Variants in KIF20B observed in about 807,000 individuals in gnomAD.
The protein encoded by KIF20B is kinesin family member 20B.
A neutral mutation model predicts 232.5 loss-of-function variants in KIF20B; 188 were observed. The ratio of observed to expected loss-of-function variants is 0.81; its 90% CI spans 0.72 to 0.91. KIF20B has a LOEUF of 0.91. Among genes scored for constraint, KIF20B ranks in the 40% least tolerant of loss-of-function variants. The pLI is 0.00. For missense variants in KIF20B, 2,154 were observed against 2,055.9 expected (o/e 1.05, Z -0.92); for synonymous variants, 712 against 683.0 (o/e 1.04, Z -0.66).
chr10:89,748,624 A>T (rs1841965127), intron 23 of KIF20B, among the ~76,000 whole-genome samples: 1 of 152,100 alleles, frequency 6.6e-6, no homozygotes, highest in Non-Finnish European at 1.5e-5. Flanking sequence ...TGCCTTTCTT[A>T]GGCCTTGTCA....
rs202222624 is a variant in KIF20B, at chr10:89,714,908, C to T, written c.713-47C>T. ...TTTGTACTTTTGTCACGTTTTTAGT[C>T]AGTTGCTTACTTTCGTGATTGTTTT... On this transcript the variant is annotated intron_variant, in intron 7 of 32. Coordinates refer to ENST00000371728, the MANE Select transcript of KIF20B (RefSeq NM_001284259.2). 10 of 1,110,888 alleles carry T rather than the reference C, an allele frequency of 9.0e-6. 1 individual carries two copies. Among genetic ancestry groups the T allele is most frequent in the East Asian group, 7.2e-5 (3 of 41,688 alleles). 68.8% of individuals were successfully genotyped at this position (1,110,888 alleles called of 1,614,324 possible).
chr10:89,730,273 T>G (rs1843288637), intron 18 of KIF20B, among the ~76,000 whole-genome samples: 1 of 152,134 alleles, frequency 6.6e-6, no homozygotes, highest in African/African-American at 2.4e-5. Flanking sequence ...ATAAACTATT[T>G]AGTAATAATT....
intron 13 of KIF20B, 121 bp downstream of exon 13, chr10:89,719,827 T>G: frequency 1.3e-6 from 1 of 756,644 alleles, no homozygotes; most frequent in Non-Finnish European, 2.1e-6. Flanking sequence ...TGTTCAACTT[T>G]ATATTTTGAA....
At position 89,737,923 on chromosome 10, in the gene KIF20B, CT is replaced by C; in HGVS notation, c.3086del (p.Leu1029Ter). 6.2e-7 allele frequency: 1 copy of C among 1,613,246 alleles called. No individual in the cohort carries two copies. Among genetic ancestry groups the C allele is most frequent in the South Asian group, 1.1e-5 (1 of 90,934 alleles). On this transcript the variant is annotated frameshift_variant, in exon 20 of 33. Coordinates refer to ENST00000371728, the MANE Select transcript of KIF20B (RefSeq NM_001284259.2). LOFTEE classifies it high-confidence loss of function. ...TAATTTGCCAAATACACAGTTAGAC[CT>C]TTTAGGTAATGATTATTTGGTAAGT... ...EDNLPNTQLD[L>X]LGNDYLVSKQ...
chr10:89,744,805 A>G (rs1841877159), intron 22 of KIF20B, among the ~76,000 whole-genome samples: 1 of 152,186 alleles, frequency 6.6e-6, no homozygotes, highest in Non-Finnish European at 1.5e-5. Context: ...TCTTAAGGTA[A>G]TCATAATAAA....
At chr10:89,715,424 A>C (rs1242128962) in intron 8 of KIF20B, among the ~76,000 whole-genome samples, 1 of 149,906 alleles carries the variant, frequency 6.7e-6, no homozygotes, top group African/African-American at 2.5e-5. Context: ...TGGTGATGGG[A>C]AAAGCTGTGT....
At position 89,712,243 on chromosome 10, in the gene KIF20B, C is replaced by CT. The variant is rs200863400; in HGVS notation, c.675+1106dup. 5.1e-3 allele frequency among the ~76,000 whole-genome samples: 768 copies of CT among 151,630 alleles called. 5 individuals are homozygous for CT. Among genetic ancestry groups the CT allele is most frequent in the African/African-American group, 0.016 (658 of 41,324 alleles). ...TCTCCCCTGCCCCCATTGTGTTTTT[C>CT]TTTTTTTTCTTCCTTTTTTTAGTTT... On this transcript the variant is annotated intron_variant, in intron 6 of 32. Coordinates refer to ENST00000371728, the MANE Select transcript of KIF20B (RefSeq NM_001284259.2).
intron 21 of KIF20B, among the ~76,000 whole-genome samples, chr10:89,740,482 A>G (rs995891407): frequency 6.6e-6 from 1 of 151,978 alleles, no homozygotes; most frequent in African/African-American, 2.4e-5. Context: ...TCATGACTCA[A>G]TCTCCAACCC....
intron 7 of KIF20B, 51 bp from the exon 8 acceptor site, chr10:89,714,904 T>C (rs745823169): frequency 1.9e-6 from 2 of 1,080,932 alleles, no homozygotes; most frequent in Non-Finnish European, 2.7e-6. Context: ...GTCACGTTTT[T>C]AGTCAGTTGC....
chr10:89,773,232 G>T (rs1241094932), intron 32 of KIF20B, among the ~76,000 whole-genome samples: 1 of 151,720 alleles, frequency 6.6e-6, no homozygotes, highest in Non-Finnish European at 1.5e-5. Context: ...AGCCTTTGAG[G>T]ATCTATTAGG....
Position 89,711,152 on chromosome 10 carries a change from A to G in KIF20B, c.675+7A>G. The G allele has an allele frequency of 6.6e-7, 1 of 1,507,388 alleles. No individual in the cohort carries two copies. The highest frequency in any genetic ancestry group is 8.9e-7 in the Non-Finnish European group (1 of 1,118,488). The allele number at this position is 1,507,388 out of a possible 1,614,324, so 93.4% of individuals were successfully genotyped here. The stretch of plus-strand genomic sequence containing the variant: ...GCTTCGGCAAATTAAAGAGGTATGG[A>G]AATATTTTAGTATGTAAAATATGTA... On this transcript the variant is annotated splice_region_variant and intron_variant, in intron 6 of 32. Coordinates refer to ENST00000371728, the MANE Select transcript of KIF20B (RefSeq NM_001284259.2).
intron 32 of KIF20B, 142 bp from the exon 33 acceptor site, chr10:89,773,829 T>C (rs1842515501): frequency 4.8e-6 from 2 of 413,144 alleles, no homozygotes; most frequent in Non-Finnish European, 8.8e-6. Flanking sequence ...GAAGATGGCA[T>C]ATCTGTAGTC....
At chr10:89,729,557 A>C (rs1843273190) in intron 18 of KIF20B, among the ~76,000 whole-genome samples, 1 of 152,236 alleles carries the variant, frequency 6.6e-6, no homozygotes, top group African/African-American at 2.4e-5. Context: ...TTTGAGGAGA[A>C]AGGAATTTAG....
chr10:89,710,213 C>G, intron 5 of KIF20B, 148 bp downstream of exon 5: 1 of 441,212 alleles, frequency 2.3e-6, no homozygotes. Flanking sequence ...TTACGTATTG[C>G]TGTTTTTTTT....
In KIF20B at chr10:89,772,830, T is replaced by G. The variant is rs571567275; in HGVS notation, c.5384T>G (p.Val1795Gly). Residue 1795 changes from valine (V) to glycine (G), a missense_variant and splice_region_variant, in exon 32 of 33, where the codon GTG becomes GGG. Physicochemically the swap from Val to Gly is moderately radical, Grantham distance 109. Coordinates refer to ENST00000371728, the MANE Select transcript of KIF20B (RefSeq NM_001284259.2). ...TCTCCTATTGATATATCAGGCCAAG[T>G]GGTAAGCTAGTATTTCTGTTTTCAT... ...ISSPIDISGQVILMDQKMKES... is the reference protein window; with the variant it reads ...ISSPIDISGQGILMDQKMKES... 2 of 1,602,418 alleles carry G rather than the reference T, an allele frequency of 1.2e-6. No individual in the cohort carries two copies. Among genetic ancestry groups the G allele is most frequent in the Admixed American group, 1.7e-5 (1 of 57,598 alleles).
At chr10:89,771,364 A>G (rs1305591425) in intron 31 of KIF20B, among the ~76,000 whole-genome samples, 1 of 151,898 alleles carries the variant, frequency 6.6e-6, no homozygotes, top group Non-Finnish European at 1.5e-5. Context: ...GCTAGCACAT[A>G]GTAGTGATGA....
chr10:89,768,986 T>A, intron 31 of KIF20B, 98 bp downstream of exon 31: 1 of 996,068 alleles, frequency 1.0e-6, no homozygotes. Flanking sequence ...TCAGGGAATA[T>A]TATACTTCAA....
intron 20 of KIF20B, 123 bp from the exon 21 acceptor site, chr10:89,738,835 C>G (rs1469982461): frequency 8.2e-7 from 1 of 1,226,194 alleles, no homozygotes; most frequent in Non-Finnish European, 1.1e-6. Flanking sequence ...AGAACTCATT[C>G]ATAGTTTGGA....
In KIF20B at chr10:89,705,458, T is replaced by C. The variant is rs1842702975; in HGVS notation, c.147+17T>C. On this transcript the variant is annotated intron_variant, in intron 2 of 32. Transcript: ENST00000371728. ...AATACTGAGGTAAGTACAAGAAAAG[T>C]ATTGTGTTGATTATCATGCCTCCTT... The C allele has an allele frequency of 1.9e-6, 3 of 1,611,004 alleles. No individual in the cohort carries two copies. Among genetic ancestry groups the C allele is most frequent in the Non-Finnish European group, 2.5e-6 (3 of 1,178,400 alleles).
Sources: allele counts gnomAD v4.1 joint callset (sites outside exome capture counted in the v4.1 genomes callset), GRCh38; gene constraint gnomAD v4.1.1; transcripts MANE v1.5; gene names NCBI Gene and HGNC (gene_info 2026-07-23, HGNC 2026-07-21).